PI4KA: variants seen among roughly 807,000 people sequenced by gnomAD.
The protein encoded by PI4KA is PI4-kinase alpha.
PI4KA carries 122 observed loss-of-function variants against 271.4 expected under a neutral mutation model. The ratio of observed to expected loss-of-function variants is 0.45; its 90% CI spans 0.39 to 0.52. The LOEUF is 0.52. Among genes scored for constraint, PI4KA ranks in the 20% least tolerant of loss-of-function variants. The pLI is 0.00. For missense variants in PI4KA, 1,969 were observed against 2,769.1 expected (o/e 0.71, Z 6.48); for synonymous variants, 1,041 against 1,078.8 (o/e 0.96, Z 0.69).
intron 1 of PI4KA, among the ~76,000 whole-genome samples, chr22:20,854,926 C>A (rs1029287486): frequency 6.6e-6 from 1 of 151,990 alleles, no homozygotes; most frequent in Non-Finnish European, 1.5e-5. Flanking sequence ...CCGAGGTGGG[C>A]GGATCACCTG....
intron 20 of PI4KA, 65 bp from the exon 21 acceptor site, chr22:20,765,301 T>C: frequency 6.8e-7 from 1 of 1,480,844 alleles, no homozygotes; most frequent in Non-Finnish European, 9.2e-7. Flanking sequence ...TGAGGTTGAC[T>C]GACAATTTCT....
intron 51 of PI4KA, chr22:20,711,114 TTC>T: frequency 1.8e-6 from 1 of 546,686 alleles, no homozygotes; most frequent in East Asian, 3.5e-5. Flanking sequence ...CAGCTCCAGC[TTC>T]TGACTCAGAG....
At position 20,742,593 on chromosome 22, in the gene PI4KA, GC is replaced by G; in HGVS notation, c.3613+14del. 6.2e-7 allele frequency: 1 copy of G among 1,613,786 alleles called. No homozygotes were observed. ...AGAAACGAGCCCAGAATTCCACAGT[GC>G]TTCAGTGAGTTACCTTTACTGCTAA... On this transcript the variant is annotated intron_variant, in intron 31 of 54. Transcript: ENST00000255882.
intron 7 of PI4KA, among the ~76,000 whole-genome samples, chr22:20,816,799 G>A (rs574707521): frequency 2.6e-5 from 4 of 152,202 alleles, no homozygotes; most frequent in Admixed American, 1.3e-4. Flanking sequence ...GGAGTGATAC[G>A]TGGGGATCTC....
At chr22:20,786,616 T>G (rs1168572553) in intron 19 of PI4KA, among the ~76,000 whole-genome samples, 2 of 152,132 alleles carry the variant, frequency 1.3e-5, no homozygotes, top group Non-Finnish European at 2.9e-5. Context: ...GGAGCTGGGG[T>G]GGCTGTCCTG....
At chr22:20,727,998 G>A (rs1927571712) in intron 39 of PI4KA, 134 bp from the exon 40 acceptor site, 3 of 586,136 alleles carry the variant, frequency 5.1e-6, no homozygotes, top group African/African-American at 1.9e-5. Context: ...GACGGCTTGG[G>A]TACAAACAAA....
At chr22:20,819,604 T>C (rs1922336690) in intron 6 of PI4KA, 37 bp downstream of exon 6, 4 of 1,589,900 alleles carry the variant, frequency 2.5e-6, no homozygotes, top group Non-Finnish European at 3.4e-6. Context: ...TAACAGGGTC[T>C]TTCTCCTCTG....
In PI4KA at chr22:20,838,640, A is replaced by G; in HGVS notation, c.248T>C (p.Ile83Thr). 1 of 1,608,288 alleles carries G rather than the reference A, an allele frequency of 6.2e-7. No homozygotes were observed. The highest frequency in any genetic ancestry group is 8.5e-7 in the Non-Finnish European group (1 of 1,174,682). The change falls in exon 2 of 55, where the codon ATT (isoleucine) becomes ACT (threonine). Residue 83 changes from isoleucine (I) to threonine (T), a missense_variant. This residue lies in a region of PI4KA where 540 missense variants were observed against 555.5 expected (regional missense o/e 0.97). Transcript: ENST00000255882. Reference protein sequence around the residue: ...RRRDAVIALGIFLIESDLQHK... With the variant: ...RRRDAVIALGTFLIESDLQHK... ...CTGAAGATCAGATTCAATCAGAAAA[A>G]TGCCCAATGCAATCACTGCATCTCT...
In PI4KA at chr22:20,742,699, G is replaced by C. The variant is rs942978278; in HGVS notation, c.3522C>G (p.Val1174=). Residue 1174 remains valine, a synonymous_variant, in exon 31 of 55, where the codon GTC becomes GTG. Coordinates refer to ENST00000255882, the MANE Select transcript of PI4KA (RefSeq NM_058004.4). ...GQMSDLNKMM[V]QDLHSALDRS... ...GGTCTAAAGCTGAATGTAGATCCTG[G>C]ACCATCATTTTGTTCAGGTCAGACA... 6.2e-7 allele frequency: 1 copy of C among 1,613,888 alleles called. No individual in the cohort carries two copies. Among genetic ancestry groups the C allele is most frequent in the Non-Finnish European group, 8.5e-7 (1 of 1,179,884 alleles).
intron 19 of PI4KA, among the ~76,000 whole-genome samples, chr22:20,770,440 G>C (rs1932816130): frequency 1.4e-5 from 2 of 148,092 alleles, no homozygotes; most frequent in Non-Finnish European, 3.0e-5. Context: ...TTGAACCCAG[G>C]AGGCAGAGGT....
intron 23 of PI4KA, among the ~76,000 whole-genome samples, chr22:20,754,576 C>T (rs2147343333): frequency 6.6e-6 from 1 of 152,352 alleles, no homozygotes; most frequent in East Asian, 1.9e-4. Flanking sequence ...TTCACTTTGG[C>T]ATCCACGAGT....
chr22:20,737,917 C>A (rs1384604600), intron 32 of PI4KA, among the ~76,000 whole-genome samples: 2 of 151,512 alleles, frequency 1.3e-5, no homozygotes, highest in South Asian at 4.2e-4. Flanking sequence ...AGGCGTGAGC[C>A]ACTGCGCCTG....
At chr22:20,812,547 T>C (rs1921195075) in intron 8 of PI4KA, among the ~76,000 whole-genome samples, 1 of 152,044 alleles carries the variant, frequency 6.6e-6, no homozygotes, top group South Asian at 2.1e-4. Context: ...TCAGGGCCCC[T>C]GGATCTTTAT....
chr22:20,817,274 A>G (rs760788759), intron 7 of PI4KA, among the ~76,000 whole-genome samples: 3 of 152,128 alleles, frequency 2.0e-5, no homozygotes, highest in Non-Finnish European at 4.4e-5. Context: ...GACTATACTG[A>G]AGCATGGAAT....
rs1926724672 is a variant in PI4KA, at chr22:20,721,434, G to C, written c.4996-16C>G. 18 of 1,612,530 alleles carry C rather than the reference G, an allele frequency of 1.1e-5. No homozygotes were observed. Among genetic ancestry groups the C allele is most frequent in the Non-Finnish European group, 1.4e-5 (17 of 1,179,306 alleles). ...CATAGCCCATCTGCAGGAGAGCAAGGTCCCTGTCAGCCAGGCTCGGCCCTC... is the reference window on the plus strand; with the variant it reads ...CATAGCCCATCTGCAGGAGAGCAAGCTCCCTGTCAGCCAGGCTCGGCCCTC... On this transcript the variant is annotated splice_polypyrimidine_tract_variant and intron_variant, in intron 42 of 54. Transcript: ENST00000255882.
At chr22:20,816,427 C>T (rs904765821) in intron 7 of PI4KA, among the ~76,000 whole-genome samples, 6 of 152,192 alleles carry the variant, frequency 3.9e-5, no homozygotes, top group African/African-American at 1.4e-4. Context: ...CATCTCCTGG[C>T]CTAAAAACAA....
intron 3 of PI4KA, among the ~76,000 whole-genome samples, chr22:20,827,346 A>T (rs1156547925): frequency 6.6e-6 from 1 of 152,158 alleles, no homozygotes; most frequent in Non-Finnish European, 1.5e-5. Context: ...GACTCTGTTG[A>T]AGATCAGATG....
chr22:20,792,402 C>T (rs950893225), intron 19 of PI4KA, among the ~76,000 whole-genome samples: 1 of 152,188 alleles, frequency 6.6e-6, no homozygotes, highest in Admixed American at 6.5e-5. Context: ...GTTCTGCCAC[C>T]AGGCCCACCC....
chr22:20,784,652 G>C (rs1415843404), intron 19 of PI4KA, among the ~76,000 whole-genome samples: 3 of 152,194 alleles, frequency 2.0e-5, no homozygotes, highest in Non-Finnish European at 4.4e-5. Context: ...CTCAAAAAAA[G>C]ATTGGCTCAA....
Sources: allele counts gnomAD v4.1 joint callset (sites outside exome capture counted in the v4.1 genomes callset), GRCh38; gene constraint gnomAD v4.1.1; regional missense constraint gnomAD v4.1.1; transcripts MANE v1.5; gene names NCBI Gene and HGNC (gene_info 2026-07-23, HGNC 2026-07-21).